Variants in KLF12 observed in about 807,000 individuals in gnomAD.
KLF12 encodes Krueppel-like factor 12.
A neutral mutation model predicts 37.8 loss-of-function variants in KLF12; 9 were observed. That is an observed-to-expected ratio of 0.24 (90% CI 0.14 to 0.42). KLF12 has a LOEUF of 0.42. KLF12 is among the 10% of genes least tolerant of loss of function. KLF12 has a pLI of 1.00. For missense variants in KLF12, 411 were observed against 516.0 expected, an observed-to-expected ratio of 0.80 and a Z score of 1.97; for synonymous variants, 208 against 202.1, an observed-to-expected ratio of 1.03 and a Z score of -0.25.
intron 1 of KLF12, among the ~76,000 whole-genome samples, chr13:74,031,548 G>A (rs529327502): frequency 8.5e-5 from 13 of 152,164 alleles, no homozygotes; most frequent in African/African-American, 3.1e-4. Flanking sequence ...ATTTTAAAAA[G>A]ATGTGATTTA....
chr13:74,126,759 T>A (rs1031786210), intron 1 of KLF12, among the ~76,000 whole-genome samples: 1 of 152,172 alleles, frequency 6.6e-6, no homozygotes, highest in East Asian at 1.9e-4. Flanking sequence ...AAGGCATTCA[T>A]CAAATGATGT....
chr13:73,735,951 C>CTTTCTTTTTTT, intron 6 of KLF12, among the ~76,000 whole-genome samples: 1 of 132,816 alleles, frequency 7.5e-6, no homozygotes, highest in African/African-American at 2.8e-5. Context: ...TTCTTTCTTT[C>CTTTCTTTTTTT]TTTTTCTTTT....
chr13:73,695,596 T>C lies in KLF12; in HGVS notation c.1103A>G (p.Tyr368Cys). ...TGGCTTCACTCCCGTATGTTTGCGG[T>C]AATGCCTCGTCAGTTCATCTGAACG... is the stretch of plus-strand genomic sequence containing the variant. The change falls in exon 8 of 8, where the codon TAC (tyrosine) becomes TGC (cysteine). Residue 368 changes from tyrosine to cysteine, a missense_variant. Tyr to Cys is a radical substitution (Grantham distance 194). This residue lies in a region of KLF12 where 60 missense variants were observed against 118.2 expected (regional missense o/e 0.51). Transcript: ENST00000377669. 6.2e-7 allele frequency: 1 copy of C among 1,614,110 alleles called. No homozygotes were observed. Among genetic ancestry groups the C allele is most frequent in the Non-Finnish European group, 8.5e-7 (1 of 1,179,974 alleles).
chr13:73,781,929 G>A (rs575635037), intron 5 of KLF12, among the ~76,000 whole-genome samples: 1 of 152,198 alleles, frequency 6.6e-6, no homozygotes, highest in South Asian at 2.1e-4. Context: ...AAGAAACAAG[G>A]CAATACAATT....
At chr13:74,207,402 G>A in the KLF12 span, among the ~76,000 whole-genome samples, 4 of 152,186 alleles carry the variant, frequency 2.6e-5, no homozygotes, top group Admixed American at 6.5e-5. Context: ...TCAGGTGGGC[G>A]AGGTGGCTCA....
intron 3 of KLF12, among the ~76,000 whole-genome samples, chr13:73,931,140 G>A (rs1390177328): frequency 1.3e-5 from 2 of 152,262 alleles, no homozygotes; most frequent in South Asian, 2.1e-4. Flanking sequence ...TTACAGGCAT[G>A]AGCCACTGCC....
At chr13:74,275,850 CTTTCTTTCTTTCTTTCT>C in the KLF12 span, among the ~76,000 whole-genome samples, 3 of 115,338 alleles carry the variant, frequency 2.6e-5, no homozygotes, top group African/African-American at 1.1e-4. Context: ...TTCTTTCTTT[CTTTCTTTCTTTCTTTCT>C]ATCTTTCTTT....
intron 3 of KLF12, among the ~76,000 whole-genome samples, chr13:73,939,824 G>A (rs146851355): frequency 2.0e-5 from 3 of 152,236 alleles, no homozygotes; most frequent in East Asian, 3.9e-4. Context: ...TCACTTTGAA[G>A]TCTGTGAATT....
Position 73,759,760 on chromosome 13 carries a change from G to A in KLF12, c.869+5178C>T, listed in dbSNP as rs528455923. On this transcript the variant is annotated intron_variant, in intron 6 of 7. Coordinates refer to ENST00000377669, the MANE Select transcript of KLF12 (RefSeq NM_007249.5). ...TTGTAAGGTAAGGAGGTTGAACTGC[G>A]CTTGATGATGCTTGCATTTCCTTTA... Among the ~76,000 whole-genome samples the A allele has an allele frequency of 4.6e-5, 7 of 152,088 alleles. No homozygotes were observed. In the East Asian group the frequency reaches 7.7e-4, roughly 17 times the overall value.
the KLF12 span, among the ~76,000 whole-genome samples, chr13:74,192,960 C>A: frequency 6.7e-6 from 1 of 149,104 alleles, no homozygotes; most frequent in Non-Finnish European, 1.5e-5. Flanking sequence ...AAAGCTCTTT[C>A]TTTTAAGGAA....
chr13:73,845,517 T>C (rs909904433), intron 4 of KLF12, among the ~76,000 whole-genome samples: 1 of 152,220 alleles, frequency 6.6e-6, no homozygotes, highest in African/African-American at 2.4e-5. Context: ...GATTGCCCTT[T>C]CCAACTGAGG....
intron 1 of KLF12, among the ~76,000 whole-genome samples, chr13:74,023,446 T>C (rs1892896383): frequency 6.6e-6 from 1 of 152,174 alleles, no homozygotes; most frequent in Non-Finnish European, 1.5e-5. Flanking sequence ...CTCTCACAGT[T>C]ATGGAGGCTG....
At chr13:73,812,244 G>A (rs1882976639) in intron 5 of KLF12, among the ~76,000 whole-genome samples, 1 of 152,074 alleles carries the variant, frequency 6.6e-6, no homozygotes, top group South Asian at 2.1e-4. Context: ...GAGAAAAGAG[G>A]AGATACTGGT....
rs1462764123 is a variant in KLF12, at chr13:73,693,805, A to G, written c.*1685T>C. 6.6e-6 allele frequency: 1 copy of G among 152,634 alleles called. No individual in the cohort carries two copies. Among genetic ancestry groups the G allele is most frequent in the African/African-American group, 2.4e-5 (1 of 41,452 alleles). 9.5% of individuals were successfully genotyped at this position (152,634 alleles called of 1,614,324 possible). ...ATAAAAAATTCTAGCAACAACAACAATAACAACAAAAAATCTCACCAGCCC... is the reference window on the plus strand; with the variant it reads ...ATAAAAAATTCTAGCAACAACAACAGTAACAACAAAAAATCTCACCAGCCC... On this transcript the variant is annotated 3_prime_UTR_variant, in exon 8 of 8. Transcript: ENST00000377669.
At chr13:73,936,964 G>C (rs1889961973) in intron 3 of KLF12, among the ~76,000 whole-genome samples, 1 of 152,160 alleles carries the variant, frequency 6.6e-6, no homozygotes, top group South Asian at 2.1e-4. Context: ...GGCAAAGGCA[G>C]GTGGATCACG....
chr13:73,821,824 C>T (rs1420878204), intron 4 of KLF12, among the ~76,000 whole-genome samples: 2 of 152,162 alleles, frequency 1.3e-5, no homozygotes, highest in African/African-American at 4.8e-5. Flanking sequence ...TCTGCCACCA[C>T]AATCTACCCT....
chr13:74,188,867 C>T, the KLF12 span, among the ~76,000 whole-genome samples: 5 of 152,026 alleles, frequency 3.3e-5, no homozygotes, highest in South Asian at 4.2e-4. Flanking sequence ...CGTGGTGGTG[C>T]GCGCCTGTAA....
chr13:74,142,398 A>C, the KLF12 span, among the ~76,000 whole-genome samples: 3 of 152,252 alleles, frequency 2.0e-5, no homozygotes, highest in Admixed American at 2.0e-4. Context: ...GAGAGCCAGA[A>C]AGACAAACTG....
intron 1 of KLF12, among the ~76,000 whole-genome samples, chr13:74,099,804 T>C (rs1876209931): frequency 6.7e-6 from 1 of 150,162 alleles, no homozygotes; most frequent in African/African-American, 2.4e-5. Context: ...CCTAGCATGA[T>C]GCTTCAACAC....
Sources: allele counts gnomAD v4.1 joint callset (sites outside exome capture counted in the v4.1 genomes callset), GRCh38; gene constraint gnomAD v4.1.1; regional missense constraint gnomAD v4.1.1; transcripts MANE v1.5; gene names NCBI Gene and HGNC (gene_info 2026-07-23, HGNC 2026-07-21).